The following RPL19 variants were observed in gnomAD, a reference collection of about 807,000 sequenced individuals.
The protein encoded by RPL19 is ribosomal protein L19, also known as large ribosomal subunit protein eL19.
RPL19 carries 2 observed loss-of-function variants against 25.1 expected under a neutral mutation model. That is an observed-to-expected ratio of 0.08 (90% confidence interval 0.03 to 0.25). The LOEUF is 0.25. Among genes scored for constraint, RPL19 ranks in the 10% least tolerant of loss-of-function variants. The pLI, the probability that RPL19 is intolerant of heterozygous loss-of-function variation, is 1.00. For synonymous variants in RPL19, 89 were observed against 91.2 expected, an observed-to-expected ratio of 0.98 and a Z score of 0.14; for missense variants, 123 against 271.8, an observed-to-expected ratio of 0.45 and a Z score of 3.85.
At chr17:39,202,932 G>GTACT in intron 3 of RPL19, 57 bp from the exon 4 acceptor site, 1 of 1,596,966 alleles carries the variant, frequency 6.3e-7, no homozygotes, top group Non-Finnish European at 8.6e-7. Context: ...TTCACTTGGT[G>GTACT]TACTTATACA....
At position 39,203,099 on chromosome 17, in the gene RPL19, G is replaced by A. The variant is rs2046301881; in HGVS notation, c.346G>A (p.Asp116Asn). ...LRRYRESKKI[D>N]RHMYHSLYLK... ...AAGATACCGTGAATCTAAGAAGATC[G>A]ATCGCCACATGTAAGCACACCCTCT... The change falls in exon 4 of 6, where the codon GAT (aspartate) becomes AAT (asparagine). Residue 116 changes from aspartate to asparagine, a missense_variant. Asp to Asn is a conservative substitution (Grantham distance 23). Transcript: ENST00000225430. 1.2e-6 allele frequency: 2 copies of A among 1,612,828 alleles called. No homozygotes were observed. Among genetic ancestry groups the A allele is most frequent in the Non-Finnish European group, 1.7e-6 (2 of 1,179,546 alleles).
At chr17:39,202,836 G>T (rs2046300451) in intron 3 of RPL19, 153 bp from the exon 4 acceptor site, 1 of 812,044 alleles carries the variant, frequency 1.2e-6, no homozygotes, top group Non-Finnish European at 2.0e-6. Flanking sequence ...ACGTAGTTGG[G>T]ATCATCATCT....
chr17:39,204,420 C>G, intron 5 of RPL19, 105 bp from the exon 6 acceptor site: 1 of 1,417,004 alleles, frequency 7.1e-7, no homozygotes, highest in Non-Finnish European at 9.8e-7. Flanking sequence ...GCAACTCATT[C>G]CAGAAGCTGA....
chr17:39,201,254 G>A lies in RPL19; in HGVS notation c.47G>A (p.Arg16His), dbSNP rs928540470. The A allele has an allele frequency of 5.6e-6, 9 of 1,613,462 alleles. No homozygotes were observed. The highest frequency in any genetic ancestry group is 1.3e-5 in the African/African-American group (1 of 74,808). Residue 16 changes from arginine to histidine, a missense_variant, in exon 2 of 6, where the codon CGC becomes CAC. By Grantham distance (29) the Arg-to-His change is conservative (BLOSUM62 0). Coordinates refer to ENST00000225430, the MANE Select transcript of RPL19 (RefSeq NM_000981.4). Reference protein sequence around the residue: ...LQKRLASSVLRCGKKKVWLDP... With the variant: ...LQKRLASSVLHCGKKKVWLDP... ...AAGAGGCTCGCCTCTAGTGTCCTCC[G>A]CTGTGGCAAGAAGAAGGTCTGGTTA...
rs2046308845 is a variant in RPL19 at position 39,204,127 on chromosome 17, G to A, written c.407G>A (p.Arg136Gln). The A allele has an allele frequency of 6.2e-7, 1 of 1,613,380 alleles. No homozygotes were observed. Residue 136 changes from arginine (R) to glutamine (Q), a missense_variant, in exon 5 of 6, where the codon CGG (arginine) becomes CAG (glutamine). By Grantham distance (43) the Arg-to-Gln change is conservative (BLOSUM62 1). Coordinates refer to ENST00000225430, the MANE Select transcript of RPL19 (RefSeq NM_000981.4). ...KVKGNVFKNKRILMEHIHKLK... is the reference protein window; with the variant it reads ...KVKGNVFKNKQILMEHIHKLK... ...AAGGGGAATGTGTTCAAAAACAAGC[G>A]GATTCTCATGGAACACATCCACAAG...
intron 4 of RPL19, 78 bp downstream of exon 4, chr17:39,203,187 T>TTTTC: frequency 6.7e-7 from 1 of 1,499,410 alleles, no homozygotes; most frequent in Non-Finnish European, 9.0e-7. Flanking sequence ...TTTTTTTTTT[T>TTTTC]TTTTTTTTTT....
intron 5 of RPL19, among the ~76,000 whole-genome samples, 166 bp from the exon 6 acceptor site, chr17:39,204,359 T>C (rs1378510908): frequency 6.6e-6 from 1 of 152,222 alleles, no homozygotes; most frequent in Non-Finnish European, 1.5e-5. Context: ...CCACTCTTCC[T>C]GTCTCGTAGG....
intron 4 of RPL19, 88 bp downstream of exon 4, chr17:39,203,197 T>TC: frequency 7.5e-7 from 1 of 1,341,026 alleles, no homozygotes; most frequent in Non-Finnish European, 1.0e-6. Context: ...TTTTTTTTTT[T>TC]TTGAGATGGA....
intron 2 of RPL19, 65 bp from the exon 3 acceptor site, chr17:39,202,252 C>T: frequency 6.2e-7 from 1 of 1,600,224 alleles, no homozygotes; most frequent in South Asian, 1.1e-5. Flanking sequence ...TCTGGCCTGG[C>T]CTATTTGGAC....
intron 4 of RPL19, 135 bp downstream of exon 4, chr17:39,203,244 C>T (rs866190311): frequency 1.8e-5 from 16 of 884,108 alleles, no homozygotes; most frequent in Middle Eastern, 5.3e-4. Context: ...TGCAGTGGCG[C>T]GATCTCAGCT....
intron 2 of RPL19, 33 bp from the exon 3 acceptor site, chr17:39,202,284 A>G (rs1270484306): frequency 1.2e-6 from 2 of 1,612,208 alleles, no homozygotes; most frequent in African/African-American, 2.7e-5. Context: ...CTTGGGCCCC[A>G]GTTGACTGAC....
intron 3 of RPL19, chr17:39,202,702 A>G: frequency 1.7e-6 from 1 of 594,692 alleles, no homozygotes; most frequent in Non-Finnish European, 2.9e-6. Flanking sequence ...GATCGAAGGA[A>G]GCTCCTTACA....
At chr17:39,203,174 A>ATTTTTTTTTTTTTT (rs59332263) in intron 4 of RPL19, 65 bp downstream of exon 4, 1 of 499,606 alleles carries the variant, frequency 2.0e-6, no homozygotes. Flanking sequence ...TTTCCCAGAG[A>ATTTTTTTTTTTTTT]TTTTTTTTTT....
In RPL19 at chr17:39,202,350, T is replaced by C. The variant is rs1399983981; in HGVS notation, c.146T>C (p.Leu49Pro). ...QQIRKLIKDGLIIRKPVTVHS... is the reference protein window; with the variant it reads ...QQIRKLIKDGPIIRKPVTVHS... The stretch of plus-strand genomic sequence containing the variant: ...ATCCGGAAGCTCATCAAAGATGGGC[T>C]GATCATCCGCAAGCCTGTGACGGTC... The change falls in exon 3 of 6, where the codon CTG (leucine) becomes CCG (proline). Residue 49 changes from leucine (L) to proline (P), a missense_variant. Leu to Pro is a moderately conservative substitution (Grantham distance 98). Coordinates refer to ENST00000225430, the MANE Select transcript of RPL19 (RefSeq NM_000981.4). 6.2e-7 allele frequency: 1 copy of C among 1,614,110 alleles called. No homozygotes were observed.
intron 4 of RPL19, among the ~76,000 whole-genome samples, chr17:39,203,574 G>C (rs143008613): frequency 4.0e-5 from 6 of 151,318 alleles, no homozygotes; most frequent in Non-Finnish European, 8.8e-5. Flanking sequence ...GCAGTGGCAC[G>C]ATCTTGGTTC....
chr17:39,200,488 A>G, intron 1 of RPL19, 139 bp downstream of exon 1: 1 of 1,308,836 alleles, frequency 7.6e-7, no homozygotes, highest in Non-Finnish European at 9.8e-7. Flanking sequence ...GGTAGGCCGG[A>G]GCACTTTCGT....
At chr17:39,203,823 T>C (rs530708970) in intron 4 of RPL19, among the ~76,000 whole-genome samples, 10 of 152,316 alleles carry the variant, frequency 6.6e-5, no homozygotes, top group Admixed American at 6.5e-5. Flanking sequence ...AGGGAGCCTT[T>C]CTAAGAAAGT....
chr17:39,201,980 G>A (rs532552645), intron 2 of RPL19, among the ~76,000 whole-genome samples: 59 of 152,246 alleles, frequency 3.9e-4, no homozygotes, highest in African/African-American at 1.4e-3. Flanking sequence ...TATTTAAAAT[G>A]TAGAAATGGC....
intron 2 of RPL19, 81 bp downstream of exon 2, chr17:39,201,400 CTTTT>C (rs111516501): frequency 1.1e-4 from 70 of 619,384 alleles, no homozygotes; most frequent in Middle Eastern, 3.0e-4. Context: ...ATTGTGTTGA[CTTTT>C]TTTTTTTTTT....
Sources: gnomAD v4.1 joint callset for allele counts (sites outside exome capture counted in the v4.1 genomes callset) on GRCh38, gnomAD v4.1.1 for gene constraint, MANE v1.5 for transcripts, NCBI Gene and HGNC (gene_info 2026-07-23, HGNC 2026-07-21) for gene names.